The following FHIT variants were observed in gnomAD, a reference collection of about 807,000 sequenced individuals.
FHIT encodes bis(5'-adenosyl)-triphosphatase.
FHIT carries 19 observed loss-of-function variants against 17.9 expected under a neutral mutation model. That is an observed-to-expected ratio of 1.06 (90% CI 0.74 to 1.56). FHIT has a LOEUF of 1.56. FHIT is among the 40% of genes most tolerant of loss of function. The pLI, the probability that FHIT is intolerant of heterozygous loss-of-function variation, is 0.00. For missense variants in FHIT, 248 were observed against 189.2 expected, an observed-to-expected ratio of 1.31 and a Z score of -1.82; for synonymous variants, 81 against 69.7, an observed-to-expected ratio of 1.16 and a Z score of -0.81.
intron 5 of FHIT, among the ~76,000 whole-genome samples, chr3:60,341,842 G>C (rs1231566023): frequency 6.6e-6 from 1 of 152,274 alleles, no homozygotes; most frequent in East Asian, 1.9e-4. Flanking sequence ...CACCGCCTGG[G>C]TCAGAACCCT....
intron 4 of FHIT, among the ~76,000 whole-genome samples, chr3:60,767,672 C>G (rs1553721869): frequency 6.6e-6 from 1 of 152,218 alleles, no homozygotes; most frequent in African/African-American, 2.4e-5. Flanking sequence ...GGCTATCAGA[C>G]TATCTGTGGC....
intron 3 of FHIT, among the ~76,000 whole-genome samples, chr3:60,826,193 G>GGAAGGAAA (rs1702114223): frequency 9.2e-6 from 1 of 108,340 alleles, no homozygotes; most frequent in African/African-American, 3.2e-5. Context: ...AAGGAAGGAA[G>GGAAGGAAA]GAAGGAAGGA....
chr3:59,883,923 C>T (rs934853183), intron 8 of FHIT, among the ~76,000 whole-genome samples: 18 of 152,244 alleles, frequency 1.2e-4, no homozygotes, highest in African/African-American at 4.3e-4. Context: ...TGTTCTATAT[C>T]TATTATCTGA....
intron 4 of FHIT, among the ~76,000 whole-genome samples, chr3:60,543,928 T>TTTTTTTTTTTTC (rs2036273913): frequency 7.7e-6 from 1 of 129,504 alleles, no homozygotes; most frequent in Admixed American, 8.0e-5. Flanking sequence ...TTTTTTTTTT[T>TTTTTTTTTTTTC]TTTGTATTTT....
chr3:60,187,654 C>A (rs1702214267), intron 5 of FHIT, among the ~76,000 whole-genome samples: 1 of 152,134 alleles, frequency 6.6e-6, no homozygotes, highest in South Asian at 2.1e-4. Flanking sequence ...CAACAAGCAG[C>A]AAATAAATTT....
At chr3:60,637,949 T>C (rs1553684364) in intron 4 of FHIT, among the ~76,000 whole-genome samples, 1 of 152,166 alleles carries the variant, frequency 6.6e-6, no homozygotes, top group African/African-American at 2.4e-5. Context: ...TATCAAAACC[T>C]ACTAGAGTAA....
chr3:60,498,864 AG>A (rs2034409924), intron 5 of FHIT, among the ~76,000 whole-genome samples: 1 of 152,232 alleles, frequency 6.6e-6, no homozygotes, highest in Non-Finnish European at 1.5e-5. Context: ...GTTAAACTCA[AG>A]AAAAAGCCCC....
intron 4 of FHIT, among the ~76,000 whole-genome samples, chr3:60,789,010 TA>T (rs1700678138): frequency 6.6e-6 from 1 of 151,460 alleles, no homozygotes; most frequent in Non-Finnish European, 1.5e-5. Flanking sequence ...AAACACTGGC[TA>T]AAGACATTCC....
intron 2 of FHIT, among the ~76,000 whole-genome samples, chr3:61,042,862 T>C (rs1441300253): frequency 6.6e-6 from 1 of 151,604 alleles, no homozygotes; most frequent in Non-Finnish European, 1.5e-5. Flanking sequence ...AATTAAACAC[T>C]TTTTTTTAAA....
At chr3:59,749,939 C>T (rs562848541) in intron 9 of FHIT, 1 of 225,504 alleles carries the variant, frequency 4.4e-6, no homozygotes, top group African/African-American at 2.2e-5. Flanking sequence ...GTCTTAGTTA[C>T]CACATCTGAC....
intron 4 of FHIT, among the ~76,000 whole-genome samples, chr3:60,542,900 T>C (rs2036230896): frequency 6.6e-6 from 1 of 152,216 alleles, no homozygotes; most frequent in Non-Finnish European, 1.5e-5. Context: ...AACATTTAGG[T>C]ATTTATTCCA....
At chr3:60,090,192 T>C (rs1202367686) in intron 5 of FHIT, among the ~76,000 whole-genome samples, 3 of 151,956 alleles carry the variant, frequency 2.0e-5, no homozygotes, top group Non-Finnish European at 4.4e-5. Context: ...ATTCCAGAAG[T>C]AAACTTAACC....
At chr3:61,159,335 A>C (rs2107085531) in intron 2 of FHIT, among the ~76,000 whole-genome samples, 1 of 152,302 alleles carries the variant, frequency 6.6e-6, no homozygotes, top group South Asian at 2.1e-4. Context: ...ATAAAAGGCA[A>C]ATTATAAAAG....
chr3:59,790,085 CT>C (rs1456981087), intron 8 of FHIT, among the ~76,000 whole-genome samples: 1 of 152,158 alleles, frequency 6.6e-6, no homozygotes, highest in Non-Finnish European at 1.5e-5. Context: ...TTCCTCTCCC[CT>C]GGAAATGCCT....
intron 3 of FHIT, among the ~76,000 whole-genome samples, chr3:60,860,456 AT>A (rs1553751503): frequency 8.2e-6 from 1 of 122,118 alleles, no homozygotes; most frequent in African/African-American, 3.1e-5. Flanking sequence ...TATGATACAT[AT>A]GTACATATAT....
At chr3:59,979,593 G>T (rs549580351) in intron 7 of FHIT, among the ~76,000 whole-genome samples, 2 of 152,136 alleles carry the variant, frequency 1.3e-5, no homozygotes, top group East Asian at 1.9e-4. Context: ...CTCAGGCAGG[G>T]GTAAGAAATT....
At chr3:59,933,244 T>TA (rs1706062377) in intron 7 of FHIT, among the ~76,000 whole-genome samples, 1 of 152,166 alleles carries the variant, frequency 6.6e-6, no homozygotes, top group East Asian at 1.9e-4. Context: ...TTCTTCTCTA[T>TA]AAAGAGAATA....
At chr3:61,174,112 C>G (rs534821611) in intron 2 of FHIT, among the ~76,000 whole-genome samples, 2 of 152,188 alleles carry the variant, frequency 1.3e-5, no homozygotes, top group Non-Finnish European at 2.9e-5. Flanking sequence ...ATGGAAACTG[C>G]AGGTGTTAGA....
At chr3:60,434,791 G>C (rs191864947) in intron 5 of FHIT, among the ~76,000 whole-genome samples, 3 of 151,748 alleles carry the variant, frequency 2.0e-5, no homozygotes, top group Non-Finnish European at 4.4e-5. Context: ...ATATTCCTTG[G>C]TCCCATTAAA....
Sources: allele counts gnomAD v4.1 joint callset (sites outside exome capture counted in the v4.1 genomes callset), GRCh38; gene constraint gnomAD v4.1.1; transcripts MANE v1.5; gene names NCBI Gene and HGNC (gene_info 2026-07-23, HGNC 2026-07-21).